EVC: variants seen among roughly 807,000 people sequenced by gnomAD.
The protein encoded by EVC is evC complex member EVC.
A neutral mutation model predicts 118.9 loss-of-function variants in EVC; 116 were observed. The observed-to-expected ratio is 0.98, with a 90% CI of 0.84 to 1.14. The LOEUF is 1.14. EVC is among the 50% of genes most tolerant of loss of function. The probability of loss-of-function intolerance (pLI) is 0.00; values close to 1 mark genes in which losing one functional copy is unlikely to be tolerated. For missense variants in EVC, 1,401 were observed against 1,246.4 expected (o/e 1.12, Z -1.87); for synonymous variants, 619 against 534.7 (o/e 1.16, Z -2.18).
intron 18 of EVC, among the ~76,000 whole-genome samples, chr4:5,808,771 T>C (rs1716424422): frequency 6.6e-6 from 1 of 152,208 alleles, no homozygotes; most frequent in Admixed American, 6.5e-5. Context: ...CATATTTCAT[T>C]ACAGAAAATC....
At chr4:5,732,016 C>T (rs7671440) in intron 4 of EVC, among the ~76,000 whole-genome samples, 23,626 of 142,452 alleles carry the variant, frequency 0.17, 2,293 homozygotes, top group African/African-American at 0.28. Context: ...GGATTTTGCC[C>T]AGTGAGGGGG....
intron 17 of EVC, 59 bp from the exon 18 acceptor site, chr4:5,808,130 TCTCCCTCCCTCC>T (rs1177063514): frequency 3.2e-5 from 10 of 314,888 alleles, no homozygotes; most frequent in Admixed American, 4.4e-5. Context: ...CTGCCTTCCT[TCTCCCTCCCTCC>T]CTCCCTCCCT....
At chr4:5,761,887 A>T (rs1353371679) in intron 11 of EVC, among the ~76,000 whole-genome samples, 2 of 151,484 alleles carry the variant, frequency 1.3e-5, no homozygotes, top group Non-Finnish European at 2.9e-5. Context: ...ACTGTTAATC[A>T]GTTGGCAGCT....
chr4:5,828,372 C>T, the EVC span: 309 of 1,448,612 alleles, frequency 2.1e-4, 2 homozygotes, highest in Middle Eastern at 5.1e-4. Context: ...GATAAGGAAA[C>T]GGAGGTTCCC....
Position 5,711,218 on chromosome 4 carries a change from G to A in EVC, c.-163G>A, listed in dbSNP as rs989585218. The A allele has an allele frequency of 1.8e-4, 60 of 328,642 alleles. No individual in the cohort carries two copies. Among genetic ancestry groups the A allele is most frequent in the Non-Finnish European group, 2.4e-4 (55 of 228,868 alleles). The allele number at this position is 328,642 out of a possible 1,614,324, so 20.4% of individuals were successfully genotyped here. ...TCCTCCCTCCGGCTCGGCGAAGCAG[G>A]GAAGGGGAGAGAAGCAGGAGTCGGG... is the stretch of plus-strand genomic sequence containing the variant. On this transcript the variant is annotated 5_prime_UTR_variant, in exon 1 of 21. Transcript: ENST00000264956.
chr4:5,766,262 C>T (rs1016712570), intron 11 of EVC, among the ~76,000 whole-genome samples: 1 of 151,546 alleles, frequency 6.6e-6, no homozygotes, highest in African/African-American at 2.4e-5. Flanking sequence ...AGAGTTTCTG[C>T]CTAGCGATCA....
rs1470464007 is a variant in EVC at position 5,742,026 on chromosome 4, AAT to A, written c.801+215_801+216del. On this transcript the variant is annotated intron_variant, in intron 6 of 20. Coordinates refer to ENST00000264956, the MANE Select transcript of EVC (RefSeq NM_153717.3). This position sits in a 1 kb window ranked among gnomAD's most constrained non-coding sequence, Gnocchi z 5.2. ...GAATACTATTTATAGCAAAGAGAAT[AAT>A]ATTGGTCATATCTACTACTCAAAGA... is the stretch of plus-strand genomic sequence containing the variant. Among the ~76,000 whole-genome samples the A allele has an allele frequency of 1.3e-5, 2 of 151,970 alleles. No homozygotes were observed. The highest frequency in any genetic ancestry group is 2.9e-5 in the Non-Finnish European group (2 of 68,000).
chr4:5,824,682 G>A, the EVC span: 3 of 976,178 alleles, frequency 3.1e-6, no homozygotes, highest in Non-Finnish European at 2.4e-6. Context: ...CATCCTAGAT[G>A]TTGCCTCTTA....
rs761665926 is a variant in EVC, at chr4:5,731,405, G to T, written c.385-20G>T. ...CAGAGGCATCACATGGACTGAGTGT[G>T]ACTCCTACTGCCACCCCAGCCTCTG... is the stretch of plus-strand genomic sequence containing the variant. On this transcript the variant is annotated intron_variant, in intron 3 of 20. Transcript: ENST00000264956. The surrounding 1 kb of genome is among the most constrained non-coding windows in gnomAD (Gnocchi z 5.6). 6 of 1,581,504 alleles carry T rather than the reference G, an allele frequency of 3.8e-6. No homozygotes were observed. In the African/African-American group the frequency reaches 4.0e-5, roughly 11 times the overall value.
chr4:5,722,088 T>C (rs939806899), intron 2 of EVC, among the ~76,000 whole-genome samples: 2 of 152,068 alleles, frequency 1.3e-5, no homozygotes, highest in Non-Finnish European at 2.9e-5. Flanking sequence ...CTGCCACATG[T>C]TTGCTGTGTG....
chr4:5,794,404 A>T (rs974304030), intron 13 of EVC, among the ~76,000 whole-genome samples: 7 of 123,374 alleles, frequency 5.7e-5, no homozygotes, highest in African/African-American at 1.4e-4. Context: ...ATATATATAT[A>T]TATTTTTTTT....
At chr4:5,785,594 G>C (rs971457665) in intron 12 of EVC, among the ~76,000 whole-genome samples, 2 of 152,206 alleles carry the variant, frequency 1.3e-5, no homozygotes, top group Admixed American at 6.5e-5. Flanking sequence ...AGTTCATTCA[G>C]TCCTCTGTCA....
chr4:5,769,434 A>T (rs1347145635), intron 11 of EVC, among the ~76,000 whole-genome samples: 1 of 151,964 alleles, frequency 6.6e-6, no homozygotes, highest in Non-Finnish European at 1.5e-5. Context: ...TCATAACCTA[A>T]TGGTTCTCAG....
intron 16 of EVC, among the ~76,000 whole-genome samples, chr4:5,802,547 C>T (rs1715195846): frequency 6.6e-6 from 1 of 151,438 alleles, no homozygotes; most frequent in South Asian, 2.1e-4. Flanking sequence ...AATAATTATA[C>T]AACTCACCAT....
intron 5 of EVC, among the ~76,000 whole-genome samples, chr4:5,733,742 A>C (rs1016601694): frequency 6.6e-6 from 1 of 152,188 alleles, no homozygotes; most frequent in African/African-American, 2.4e-5. Context: ...AAAAGAGAAC[A>C]ATATGTTTAA....
chr4:5,809,665 G>T, intron 19 of EVC, 54 bp downstream of exon 19: 3 of 1,499,200 alleles, frequency 2.0e-6, no homozygotes, highest in East Asian at 2.3e-5. Flanking sequence ...TGAGAGATAC[G>T]GATTCTAGTT....
At chr4:5,730,079 C>T (rs1311502822) in intron 3 of EVC, among the ~76,000 whole-genome samples, 8 of 152,176 alleles carry the variant, frequency 5.3e-5, no homozygotes, top group Non-Finnish European at 7.3e-5. Flanking sequence ...GTCACAGCAT[C>T]TCAGTCCTAA....
At chr4:5,747,976 A>G in intron 7 of EVC, 172 bp from the exon 8 acceptor site, 3 of 751,402 alleles carry the variant, frequency 4.0e-6, no homozygotes, top group South Asian at 3.1e-5. Context: ...GGAACCAGAA[A>G]GAACTTCACT....
chr4:5,714,341 G>A (rs1723583032), intron 1 of EVC, among the ~76,000 whole-genome samples: 1 of 152,154 alleles, frequency 6.6e-6, no homozygotes. Context: ...CATCAAAGTT[G>A]TTCATGCACA....
Sources: gnomAD v4.1 joint callset for allele counts (sites outside exome capture counted in the v4.1 genomes callset) on GRCh38, gnomAD v4.1.1 for gene constraint, Gnocchi (gnomAD v3.1) non-coding constraint, MANE v1.5 for transcripts, NCBI Gene and HGNC (gene_info 2026-07-23, HGNC 2026-07-21) for gene names.